Variants in DOCK8 observed in about 807,000 individuals in gnomAD.
DOCK8 encodes dedicator of cytokinesis 8, also known as dedicator of cytokinesis protein 8.
Under a neutral mutation model 245.6 loss-of-function variants are expected in DOCK8, and 141 were observed. That is an observed-to-expected ratio of 0.57 (90% CI 0.50 to 0.66). DOCK8 has a LOEUF of 0.66. Ranked by LOEUF, DOCK8 falls within the 30% of genes least tolerant of loss-of-function variation. The pLI is 0.00. For synonymous variants in DOCK8, 1,168 were observed against 970.2 expected (o/e 1.20, Z -3.79); for missense variants, 2,965 against 2,603.4 (o/e 1.14, Z -3.02).
At chr9:431,431 G>A (rs2056707920) in intron 36 of DOCK8, among the ~76,000 whole-genome samples, 1 of 152,048 alleles carries the variant, frequency 6.6e-6, no homozygotes, top group African/African-American at 2.4e-5. Flanking sequence ...TTTTTCCATG[G>A]GCCTGTAAAG....
chr9:395,470 T>C (rs1475484660), intron 24 of DOCK8, among the ~76,000 whole-genome samples: 1 of 152,112 alleles, frequency 6.6e-6, no homozygotes, highest in Non-Finnish European at 1.5e-5. Flanking sequence ...GGAGTGGAAG[T>C]CCCCTCTTCT....
intron 5 of DOCK8, among the ~76,000 whole-genome samples, chr9:310,931 A>G (rs2050080654): frequency 6.6e-6 from 1 of 152,172 alleles, no homozygotes; most frequent in Admixed American, 6.5e-5. Context: ...TCAAAACAAT[A>G]TGGCAAAGCA....
chr9:397,762 T>C (rs1202008872), intron 25 of DOCK8, among the ~76,000 whole-genome samples: 1 of 152,144 alleles, frequency 6.6e-6, no homozygotes, highest in African/African-American at 2.4e-5. Context: ...ATGGGGTAAA[T>C]GGGCATGATA....
chr9:276,320 A>G (rs2048344921), intron 2 of DOCK8, among the ~76,000 whole-genome samples: 1 of 152,274 alleles, frequency 6.6e-6, no homozygotes, highest in Admixed American at 6.5e-5. Context: ...TACTAACCCT[A>G]CAGATATATC....
At chr9:421,126 T>A in intron 32 of DOCK8, 48 bp downstream of exon 32, 1 of 1,612,318 alleles carries the variant, frequency 6.2e-7, no homozygotes, top group Non-Finnish European at 8.5e-7. Context: ...AGTTTTTCAC[T>A]GTTTGTGGGG....
Position 439,603 on chromosome 9 carries a change from C to T in DOCK8, c.5223+215C>T, listed in dbSNP as rs10814920. Among the ~76,000 whole-genome samples, 95,386 of 152,194 alleles carry T rather than the reference C, an allele frequency of 0.63. 31,841 individuals carry two copies. Among genetic ancestry groups the T allele is most frequent in the East Asian group, 0.98 (5,097 of 5,178 alleles). On this transcript the variant is annotated intron_variant, in intron 40 of 47. Transcript: ENST00000432829. Reference sequence around the variant, plus strand: ...CTGAGATAACCTTTCATCACAGTGCCGATCTGAGCTTCACTGTATGCTCAT... The same window carrying T: ...CTGAGATAACCTTTCATCACAGTGCTGATCTGAGCTTCACTGTATGCTCAT...
chr9:285,111 G>T (rs1416762523), intron 2 of DOCK8, among the ~76,000 whole-genome samples: 1 of 151,976 alleles, frequency 6.6e-6, no homozygotes, highest in Admixed American at 6.6e-5. Flanking sequence ...AAAAATCCCA[G>T]ACAGGAAGTA....
intron 33 of DOCK8, among the ~76,000 whole-genome samples, chr9:426,034 G>A (rs2056487075): frequency 6.6e-6 from 1 of 152,030 alleles, no homozygotes; most frequent in South Asian, 2.1e-4. Flanking sequence ...CAACCCCATG[G>A]TAACATCTTG....
chr9:403,994 G>GTGTA (rs2055297918), intron 26 of DOCK8, among the ~76,000 whole-genome samples: 2 of 70,482 alleles, frequency 2.8e-5, no homozygotes, highest in Non-Finnish European at 4.9e-5. Flanking sequence ...ATATATATGT[G>GTGTA]TATATATATA....
At chr9:384,136 C>T (rs574387479) in intron 22 of DOCK8, among the ~76,000 whole-genome samples, 1 of 152,268 alleles carries the variant, frequency 6.6e-6, no homozygotes, top group South Asian at 2.1e-4. Context: ...ATGACCTTGA[C>T]AGTTTTGAGG....
chr9:432,084 T>G, intron 36 of DOCK8, 82 bp from the exon 37 acceptor site: 1 of 1,453,536 alleles, frequency 6.9e-7, no homozygotes, highest in Admixed American at 1.8e-5. Context: ...GAGTTGTTTG[T>G]GTCTGGCCAT....
At chr9:325,860 G>T in intron 8 of DOCK8, 123 bp downstream of exon 8, 1 of 926,292 alleles carries the variant, frequency 1.1e-6, no homozygotes, top group South Asian at 1.3e-5. Flanking sequence ...GATCTTTGAT[G>T]AGTCCAGTTC....
chr9:370,146 A>AG (rs565512780), intron 15 of DOCK8, 84 bp from the exon 16 acceptor site: 32 of 1,199,688 alleles, frequency 2.7e-5, no homozygotes, highest in Non-Finnish European at 4.0e-5. Context: ...CTATGAGACC[A>AG]GAACATCCTG....
intron 9 of DOCK8, among the ~76,000 whole-genome samples, chr9:329,645 C>T (rs1185191738): frequency 3.3e-5 from 5 of 152,070 alleles, no homozygotes; most frequent in African/African-American, 1.2e-4. Flanking sequence ...CTATGATAGC[C>T]CTGTAGGTAA....
At chr9:309,905 T>G (rs1300877719) in intron 5 of DOCK8, among the ~76,000 whole-genome samples, 1 of 152,324 alleles carries the variant, frequency 6.6e-6, no homozygotes, top group African/African-American at 2.4e-5. Flanking sequence ...TATCTATTTA[T>G]TTGTGAATGA....
At chr9:429,884 G>T (rs1219912602) in intron 36 of DOCK8, 30 bp downstream of exon 36, 18 of 1,612,326 alleles carry the variant, frequency 1.1e-5, no homozygotes, top group Non-Finnish European at 1.4e-5. Flanking sequence ...GAGTGACCTG[G>T]AATCAGTAGA....
chr9:395,210 G>C (rs181501309), intron 24 of DOCK8, among the ~76,000 whole-genome samples: 3 of 152,072 alleles, frequency 2.0e-5, no homozygotes, highest in Non-Finnish European at 4.4e-5. Context: ...AGAGGATGCC[G>C]CCATGAGGAG....
intron 13 of DOCK8, among the ~76,000 whole-genome samples, chr9:339,751 TG>T (rs1259499200): frequency 6.6e-6 from 1 of 152,218 alleles, no homozygotes; most frequent in Non-Finnish European, 1.5e-5. Flanking sequence ...CTTGACCTCG[TG>T]ATCCACCTGC....
chr9:441,102 C>T (rs78182116), intron 40 of DOCK8, among the ~76,000 whole-genome samples, 184 bp from the exon 41 acceptor site: 2 of 152,256 alleles, frequency 1.3e-5, no homozygotes, highest in East Asian at 3.9e-4. Context: ...AGCGAGGTGT[C>T]TAGTTCAGTT....
Sources: allele counts gnomAD v4.1 joint callset (sites outside exome capture counted in the v4.1 genomes callset), GRCh38; gene constraint gnomAD v4.1.1; transcripts MANE v1.5; gene names NCBI Gene and HGNC (gene_info 2026-07-23, HGNC 2026-07-21).